The following XPNPEP1 variants were observed in gnomAD, a reference collection of about 807,000 sequenced individuals.
The protein encoded by XPNPEP1 is xaa-Pro aminopeptidase 1.
A neutral mutation model predicts 92.4 loss-of-function variants in XPNPEP1; 39 were observed. The ratio of observed to expected loss-of-function variants is 0.42; its 90% CI spans 0.33 to 0.55. XPNPEP1 has a LOEUF of 0.55. XPNPEP1 is among the 20% of genes least tolerant of loss of function. XPNPEP1 has a pLI of 0.08. For synonymous variants in XPNPEP1, 307 were observed against 299.4 expected, an observed-to-expected ratio of 1.03 and a Z score of -0.26; for missense variants, 654 against 856.1, an observed-to-expected ratio of 0.76 and a Z score of 2.95.
chr10:109,897,196 A>G (rs904315912), intron 3 of XPNPEP1, among the ~76,000 whole-genome samples: 24 of 152,162 alleles, frequency 1.6e-4, no homozygotes. Flanking sequence ...GAAATTACCC[A>G]ATTTTTAAAT....
At chr10:109,920,058 A>G (rs766073329) in intron 1 of XPNPEP1, among the ~76,000 whole-genome samples, 35 of 152,278 alleles carry the variant, frequency 2.3e-4, no homozygotes, top group Admixed American at 1.0e-3. Flanking sequence ...GAAAGAAAAG[A>G]AAGAAATCAC....
In XPNPEP1 at chr10:109,907,731, G is replaced by T. The variant is rs754491119; in HGVS notation, c.206C>A (p.Pro69Gln). ...CGATGGGATGATGTAGGCCTGGATC[G>T]GTTCGGTCACATACTCAGAGTTCCT... The part of the protein sequence containing the change: ...AMRNSEYVTE[P>Q]IQAYIIPSGD... The change falls in exon 3 of 21, where the codon CCG becomes CAG. Residue 69 changes from proline to glutamine, a missense_variant. Pro to Gln is a moderately conservative substitution (Grantham distance 76). Transcript: ENST00000502935. 3.1e-6 allele frequency: 5 copies of T among 1,614,208 alleles called. No homozygotes were observed. Among genetic ancestry groups the T allele is most frequent in the Non-Finnish European group, 3.4e-6 (4 of 1,180,032 alleles).
rs768571969 is a variant in XPNPEP1 at position 109,891,554 on chromosome 10, T to C, written c.415+168A>G. The C allele has an allele frequency of 1.5e-5, 7 of 481,436 alleles. 1 individual carries two copies. Among genetic ancestry groups the C allele is most frequent in the East Asian group, 7.0e-5 (2 of 28,664 alleles). 29.8% of individuals were successfully genotyped at this position (481,436 alleles called of 1,614,324 possible). The stretch of plus-strand genomic sequence containing the variant: ...AGCGTCCTCCAAAATTGAATGCACA[T>C]TGGTACGTATGTATAGGCATGCCAT... On this transcript the variant is annotated intron_variant, in intron 5 of 20. Transcript: ENST00000502935.
Position 109,907,697 on chromosome 10 carries a change from A to G in XPNPEP1, c.240T>C (p.Ala80=), listed in dbSNP as rs747235399. 6 of 1,614,222 alleles carry G rather than the reference A, an allele frequency of 3.7e-6. No individual in the cohort carries two copies. Among genetic ancestry groups the G allele is most frequent in the Non-Finnish European group, 5.1e-6 (6 of 1,180,040 alleles). The change falls in exon 3 of 21, where the codon GCT becomes GCC. Residue 80 remains alanine (A), a synonymous_variant. Coordinates refer to ENST00000502935, the MANE Select transcript of XPNPEP1 (RefSeq NM_020383.4). The part of the protein sequence containing the change: ...IQAYIIPSGD[A]HQSEYIAPCD... Reference sequence around the variant, plus strand: ...GCCCATTGCCATGCAGTACCTGATGAGCATCTCCCGATGGGATGATGTAGG... The same window carrying G: ...GCCCATTGCCATGCAGTACCTGATGGGCATCTCCCGATGGGATGATGTAGG...
At chr10:109,914,153 A>G (rs1850040901) in intron 2 of XPNPEP1, among the ~76,000 whole-genome samples, 2 of 152,164 alleles carry the variant, frequency 1.3e-5, no homozygotes, top group African/African-American at 4.8e-5. Context: ...TGGGATAGAA[A>G]TACAGTAATA....
intron 7 of XPNPEP1, among the ~76,000 whole-genome samples, chr10:109,886,853 G>C (rs1189518489): frequency 6.6e-6 from 1 of 152,176 alleles, no homozygotes; most frequent in Non-Finnish European, 1.5e-5. Context: ...GTTCCTGGGG[G>C]CTGCAAGACT....
intron 1 of XPNPEP1, among the ~76,000 whole-genome samples, chr10:109,918,224 C>G (rs1337977195): frequency 1.3e-5 from 2 of 150,934 alleles, no homozygotes; most frequent in African/African-American, 4.9e-5. Flanking sequence ...GGGTTCGAGA[C>G]TAGCTTGGGC....
At chr10:109,892,128 T>G (rs1371746401) in intron 4 of XPNPEP1, among the ~76,000 whole-genome samples, 1 of 152,168 alleles carries the variant, frequency 6.6e-6, no homozygotes, top group East Asian at 1.9e-4. Flanking sequence ...TGTAGACCTA[T>G]GGCCAAAGTG....
At position 109,870,019 on chromosome 10, in the gene XPNPEP1, G is replaced by A. The variant is rs780189141; in HGVS notation, c.1707C>T (p.Tyr569=). 7 of 1,614,088 alleles carry A rather than the reference G, an allele frequency of 4.3e-6. No homozygotes were observed. The highest frequency in any genetic ancestry group is 5.9e-6 in the Non-Finnish European group (7 of 1,179,990). The part of the protein sequence containing the change: ...AGMIVTDEPG[Y]YEDGAFGIRI... The stretch of plus-strand genomic sequence containing the variant: ...GAATTCCAAAAGCCCCATCTTCATA[G>A]TACCCGGGCTCTAAAACAAACCAAA... Residue 569 remains tyrosine (Y), a synonymous_variant, in exon 19 of 21, where the codon TAC becomes TAT. Transcript: ENST00000502935.
intron 5 of XPNPEP1, among the ~76,000 whole-genome samples, chr10:109,888,832 A>G (rs770574472): frequency 7.2e-5 from 11 of 152,184 alleles, no homozygotes; most frequent in Non-Finnish European, 1.6e-4. Flanking sequence ...ACAGAAGGGA[A>G]AAAAGTATGA....
intron 5 of XPNPEP1, among the ~76,000 whole-genome samples, chr10:109,889,816 T>C (rs909498443): frequency 3.3e-5 from 5 of 152,172 alleles, no homozygotes; most frequent in African/African-American, 9.7e-5. Flanking sequence ...CACATAACCA[T>C]AGAAGGGAAG....
chr10:109,906,639 C>G (rs189614113), intron 3 of XPNPEP1, among the ~76,000 whole-genome samples: 182 of 152,326 alleles, frequency 1.2e-3, no homozygotes, highest in African/African-American at 3.8e-3. Context: ...TTACCTGCAA[C>G]TGAAGAATCC....
rs186201752 is a variant in XPNPEP1 at position 109,869,572 on chromosome 10, G to T, written c.1773+381C>A. On this transcript the variant is annotated intron_variant, in intron 19 of 20. Coordinates refer to ENST00000502935, the MANE Select transcript of XPNPEP1 (RefSeq NM_020383.4). ...TCTGGGAGGGGCCCTGGAAATTAGC[G>T]CCTTGAATAGGCACCCCTAGCAGAA... Among the ~76,000 whole-genome samples, 735 of 152,272 alleles carry T rather than the reference G, an allele frequency of 4.8e-3. 23 individuals carry two copies. In the South Asian group the frequency reaches 0.08, roughly 17 times the overall value.
chr10:109,882,997 T>C (rs1406609480), intron 9 of XPNPEP1, among the ~76,000 whole-genome samples: 1 of 152,228 alleles, frequency 6.6e-6, no homozygotes, highest in Non-Finnish European at 1.5e-5. Flanking sequence ...TCACTTGGGT[T>C]AGTGCCACAG....
rs916224949 is a variant in XPNPEP1, at chr10:109,889,770, A to G, written c.416-1175T>C. Among the ~76,000 whole-genome samples, 8 of 152,358 alleles carry G rather than the reference A, an allele frequency of 5.3e-5. No homozygotes were observed. In the East Asian group the frequency reaches 1.5e-3, roughly 29 times the overall value. On this transcript the variant is annotated intron_variant, in intron 5 of 20. Transcript: ENST00000502935. Reference sequence around the variant, plus strand: ...ACATATTCTAAAACAGTAGAAACTTATCTTTACTATTTTCTCTACTGACTA... The same window carrying G: ...ACATATTCTAAAACAGTAGAAACTTGTCTTTACTATTTTCTCTACTGACTA...
chr10:109,880,373 G>A (rs1041613414), intron 11 of XPNPEP1, 135 bp from the exon 12 acceptor site: 2 of 886,844 alleles, frequency 2.3e-6, no homozygotes, highest in Non-Finnish European at 3.6e-6. Flanking sequence ...AGCTTTACAT[G>A]TGGACATTTC....
chr10:109,906,593 AT>A (rs1348173728), intron 3 of XPNPEP1, among the ~76,000 whole-genome samples: 2 of 152,090 alleles, frequency 1.3e-5, no homozygotes, highest in African/African-American at 4.8e-5. Context: ...CTTATAAAGC[AT>A]TTTTATTGCT....
rs1273954786 is a variant in XPNPEP1 at position 109,868,697 on chromosome 10, G to A, written c.1789C>T (p.Arg597Trp). The A allele has an allele frequency of 3.7e-6, 6 of 1,613,650 alleles. No individual in the cohort carries two copies. The highest frequency in any genetic ancestry group is 2.2e-5 in the East Asian group (1 of 44,896). Residue 597 changes from arginine (R) to tryptophan (W), a missense_variant, in exon 20 of 21, where the codon CGG (arginine) becomes TGG (tryptophan). Coordinates refer to ENST00000502935, the MANE Select transcript of XPNPEP1 (RefSeq NM_020383.4). ...PVKTKYNFNN[R>W]GSLTFEPLTL... ...AGAGGTTCAAAGGTCAGGCTTCCCC[G>A]GTTATTAAAATTATACTGCGGGAGA...
intron 10 of XPNPEP1, 34 bp from the exon 11 acceptor site, chr10:109,880,965 A>G (rs772968419): frequency 1.3e-6 from 2 of 1,590,820 alleles, no homozygotes; most frequent in African/African-American, 1.3e-5. Flanking sequence ...GGGAAATCAA[A>G]CCGGCTCCAC....
Sources: gnomAD v4.1 joint callset for allele counts (sites outside exome capture counted in the v4.1 genomes callset) on GRCh38, gnomAD v4.1.1 for gene constraint, MANE v1.5 for transcripts, NCBI Gene and HGNC (gene_info 2026-07-23, HGNC 2026-07-21) for gene names.